MDGA2: variants seen among roughly 807,000 people sequenced by gnomAD.
The protein encoded by MDGA2 is MAM domain-containing glycosylphosphatidylinositol anchor protein 2.
In MDGA2, 40 loss-of-function variants were observed where a neutral mutation model predicts 117.8. The ratio of observed to expected loss-of-function variants is 0.34; its 90% CI spans 0.26 to 0.44. The LOEUF (loss-of-function observed/expected upper bound fraction) is 0.44. Among genes scored for constraint, MDGA2 ranks in the 20% least tolerant of loss-of-function variants. MDGA2 has a pLI of 1.00. For missense variants in MDGA2, 1,123 were observed against 1,250.6 expected (o/e 0.90, Z 1.54); for synonymous variants, 452 against 439.0 (o/e 1.03, Z -0.37).
At chr14:46,978,579 C>A (rs543644242) in intron 8 of MDGA2, among the ~76,000 whole-genome samples, 6 of 152,100 alleles carry the variant, frequency 3.9e-5, no homozygotes, top group Admixed American at 2.6e-4. Flanking sequence ...AAGCAATGCA[C>A]TTTTTAATGT....
At chr14:47,570,546 T>C (rs1426862040) in intron 1 of MDGA2, among the ~76,000 whole-genome samples, 1 of 152,120 alleles carries the variant, frequency 6.6e-6, no homozygotes, top group Non-Finnish European at 1.5e-5. Flanking sequence ...CCATTTCATA[T>C]TATCAACCAA....
intron 1 of MDGA2, among the ~76,000 whole-genome samples, chr14:47,508,937 G>A (rs1335566514): frequency 6.6e-6 from 1 of 152,116 alleles, no homozygotes; most frequent in Non-Finnish European, 1.5e-5. Flanking sequence ...TGATCCACCC[G>A]CCTCGGCCTC....
intron 10 of MDGA2, among the ~76,000 whole-genome samples, chr14:46,893,543 C>T (rs1454171932): frequency 2.0e-5 from 3 of 150,656 alleles, no homozygotes; most frequent in Non-Finnish European, 4.4e-5. Flanking sequence ...CATAAGAGAA[C>T]TATATAAGAG....
At chr14:46,971,441 G>A (rs1374143500) in intron 8 of MDGA2, among the ~76,000 whole-genome samples, 1 of 152,108 alleles carries the variant, frequency 6.6e-6, no homozygotes, top group African/African-American at 2.4e-5. Context: ...TATCTTAAGT[G>A]AGATAAGACA....
At chr14:47,449,280 T>C (rs2138566407) in intron 1 of MDGA2, among the ~76,000 whole-genome samples, 1 of 152,250 alleles carries the variant, frequency 6.6e-6, no homozygotes, top group African/African-American at 2.4e-5. Flanking sequence ...CAAAAGCATA[T>C]TTCATATTTT....
At chr14:47,158,549 C>T (rs531288502) in intron 3 of MDGA2, among the ~76,000 whole-genome samples, 13 of 149,432 alleles carry the variant, frequency 8.7e-5, no homozygotes, top group South Asian at 6.4e-4. Flanking sequence ...GGCGCGATCT[C>T]GGCTCACTAC....
chr14:46,893,460 T>C (rs910945254), intron 10 of MDGA2, among the ~76,000 whole-genome samples: 1 of 151,956 alleles, frequency 6.6e-6, no homozygotes, highest in Non-Finnish European at 1.5e-5. Flanking sequence ...CAGTTAATAG[T>C]ATTACATAAT....
chr14:47,517,191 T>C (rs532480123), intron 1 of MDGA2, among the ~76,000 whole-genome samples: 218 of 152,288 alleles, frequency 1.4e-3, no homozygotes, highest in Non-Finnish European at 2.5e-3. Context: ...GAAAATATCA[T>C]GCCTGCAAAA....
chr14:47,142,247 C>A (rs1882751782), intron 4 of MDGA2, among the ~76,000 whole-genome samples: 1 of 152,094 alleles, frequency 6.6e-6, no homozygotes, highest in African/African-American at 2.4e-5. Context: ...AGCTTGAGAT[C>A]AGCCTAGCCA....
intron 8 of MDGA2, among the ~76,000 whole-genome samples, chr14:46,980,463 A>C (rs1400362465): frequency 2.0e-4 from 31 of 152,168 alleles, no homozygotes; most frequent in Admixed American, 1.9e-3. Flanking sequence ...AATTACCACG[A>C]AGGATTTAGA....
intron 1 of MDGA2, among the ~76,000 whole-genome samples, chr14:47,617,427 C>T (rs937995099): frequency 3.3e-5 from 5 of 152,082 alleles, no homozygotes; most frequent in East Asian, 1.9e-4. Context: ...TGCTCTTGAA[C>T]TCCTGACCCC....
intron 10 of MDGA2, among the ~76,000 whole-genome samples, chr14:46,910,053 T>C (rs1197258089): frequency 6.6e-6 from 1 of 152,184 alleles, no homozygotes; most frequent in East Asian, 1.9e-4. Flanking sequence ...GAGTTAATTT[T>C]CATTTTTAAT....
At chr14:47,224,283 T>TGATATAGATATAGATATAGATTTA (rs1886399420) in intron 2 of MDGA2, among the ~76,000 whole-genome samples, 1 of 134,078 alleles carries the variant, frequency 7.5e-6, no homozygotes, top group Non-Finnish European at 1.6e-5. Flanking sequence ...CAATAGAGTC[T>TGATATAGATATAGATATAGATTTA]GATATAGATA....
chr14:47,520,707 A>G (rs576319130), intron 1 of MDGA2, among the ~76,000 whole-genome samples: 1 of 152,318 alleles, frequency 6.6e-6, no homozygotes, highest in South Asian at 2.1e-4. Flanking sequence ...AGTGTTTTAA[A>G]TTAAGCACTT....
intron 1 of MDGA2, among the ~76,000 whole-genome samples, chr14:47,626,890 G>A (rs1214619458): frequency 6.6e-6 from 1 of 152,258 alleles, no homozygotes; most frequent in African/African-American, 2.4e-5. Context: ...GCGGAGTGCA[G>A]GCGCACGGCG....
intron 10 of MDGA2, among the ~76,000 whole-genome samples, chr14:46,894,372 C>T (rs1321489712): frequency 6.6e-6 from 1 of 151,992 alleles, no homozygotes; most frequent in African/African-American, 2.4e-5. Flanking sequence ...TTCAGTTTTT[C>T]CTGACAAATG....
chr14:47,034,938 A>G (rs986409207), intron 8 of MDGA2, 73 bp downstream of exon 8: 4 of 1,370,204 alleles, frequency 2.9e-6, no homozygotes, highest in African/African-American at 1.5e-5. Context: ...ATCACCTCAT[A>G]TTAATAGTAG....
chr14:47,062,033 T>C (rs1351565992), intron 6 of MDGA2, among the ~76,000 whole-genome samples: 4 of 152,026 alleles, frequency 2.6e-5, no homozygotes, highest in African/African-American at 9.7e-5. Flanking sequence ...ACAAAGGACA[T>C]AAGAACATTC....
chr14:47,395,513 T>G (rs957589127), intron 1 of MDGA2, among the ~76,000 whole-genome samples: 2 of 152,184 alleles, frequency 1.3e-5, no homozygotes, highest in Non-Finnish European at 2.9e-5. Flanking sequence ...AGCAATAATT[T>G]TTAAAATGTT....
Sources: allele counts gnomAD v4.1 joint callset (sites outside exome capture counted in the v4.1 genomes callset), GRCh38; gene constraint gnomAD v4.1.1; transcripts MANE v1.5; gene names NCBI Gene and HGNC (gene_info 2026-07-23, HGNC 2026-07-21).